Variants in ANO2 observed in about 807,000 individuals in gnomAD.
The protein encoded by ANO2 is anoctamin-2.
In ANO2, 101 loss-of-function variants were observed where a neutral mutation model predicts 124.2. That is an observed-to-expected ratio of 0.81 (90% CI 0.69 to 0.96). The LOEUF is 0.96. Among genes scored for constraint, ANO2 ranks in the 40% least tolerant of loss-of-function variants. The probability of loss-of-function intolerance (pLI) is 0.00; values close to 1 mark genes in which losing one functional copy is unlikely to be tolerated. For synonymous variants in ANO2, 486 were observed against 482.5 expected, an observed-to-expected ratio of 1.01 and a Z score of -0.09; for missense variants, 1,293 against 1,274.5, an observed-to-expected ratio of 1.01 and a Z score of -0.22.
intron 3 of ANO2, among the ~76,000 whole-genome samples, chr12:5,866,451 G>T (rs1399341528): frequency 4.6e-5 from 7 of 152,174 alleles, no homozygotes; most frequent in Non-Finnish European, 2.9e-5. Context: ...GTTTGAGCTG[G>T]TTTGAGTTGG....
chr12:5,852,899 T>TGAGA (rs141571472), intron 4 of ANO2, among the ~76,000 whole-genome samples: 4 of 141,844 alleles, frequency 2.8e-5, no homozygotes, highest in East Asian at 2.0e-4. Context: ...GTGGTGTATA[T>TGAGA]GAGAGAGAGA....
chr12:5,770,959 C>G (rs1041048470), intron 10 of ANO2, among the ~76,000 whole-genome samples: 2 of 152,164 alleles, frequency 1.3e-5, no homozygotes, highest in African/African-American at 4.8e-5. Flanking sequence ...CTCAGAGAGG[C>G]CTTCTGTGAT....
intron 14 of ANO2, among the ~76,000 whole-genome samples, chr12:5,677,390 T>C (rs905876133): frequency 6.6e-6 from 1 of 152,322 alleles, no homozygotes; most frequent in Middle Eastern, 3.4e-3. Context: ...TTACCATCCA[T>C]GTGGAGCTGA....
At chr12:5,646,375 C>CA (rs1236855049) in intron 15 of ANO2, among the ~76,000 whole-genome samples, 1 of 152,102 alleles carries the variant, frequency 6.6e-6, no homozygotes, top group Non-Finnish European at 1.5e-5. Flanking sequence ...TAAATTTTAG[C>CA]AAAATGGGAT....
chr12:5,946,204 A>T, upstream of ANO2: 1 of 1,611,540 alleles, frequency 6.2e-7, no homozygotes, highest in Non-Finnish European at 8.5e-7. This position sits in a 1 kb window ranked among gnomAD's most constrained non-coding sequence, Gnocchi z 4.1. Flanking sequence ...TGGTCATGAT[A>T]GATCCCACTT....
chr12:5,695,796 T>G (rs1006711380), intron 14 of ANO2, among the ~76,000 whole-genome samples: 1 of 148,442 alleles, frequency 6.7e-6, no homozygotes. Flanking sequence ...AGCCGAGATC[T>G]CACCATTGCA....
At chr12:5,632,836 C>T (rs1030897081) in intron 16 of ANO2, among the ~76,000 whole-genome samples, 15 of 152,150 alleles carry the variant, frequency 9.9e-5, no homozygotes, top group Non-Finnish European at 4.4e-5. Context: ...GAAAGGTCTA[C>T]ATCACCATTG....
At chr12:5,847,414 T>C (rs972091008) in intron 4 of ANO2, among the ~76,000 whole-genome samples, 1 of 151,606 alleles carries the variant, frequency 6.6e-6, no homozygotes, top group Non-Finnish European at 1.5e-5. Context: ...CCAGCCACCA[T>C]AATTGTATTA....
intron 10 of ANO2, among the ~76,000 whole-genome samples, chr12:5,761,950 T>C (rs368927209): frequency 7.9e-5 from 12 of 152,104 alleles, no homozygotes; most frequent in African/African-American, 2.9e-4. Context: ...AACAGGAAAA[T>C]AATTTGAGAT....
Position 5,736,073 on chromosome 12 carries a change from G to C in ANO2, c.1434+3244C>G, listed in dbSNP as rs180840910. Among the ~76,000 whole-genome samples, 10 of 152,340 alleles carry C rather than the reference G, an allele frequency of 6.6e-5. No individual in the cohort carries two copies. The East Asian group carries it at 1.7e-3, about 26-fold the overall frequency. On this transcript the variant is annotated intron_variant, in intron 13 of 24. Coordinates refer to ENST00000682330, the MANE Select transcript of ANO2 (RefSeq NM_001364791.2). ...AGTATAAAACTCTGGAGGTCTGACA[G>C]ATCTCCCTGCAAAAAGGACAAACAG...
intron 14 of ANO2, among the ~76,000 whole-genome samples, chr12:5,698,822 G>C (rs191489664): frequency 9.9e-5 from 15 of 152,176 alleles, no homozygotes; most frequent in African/African-American, 3.6e-4. Flanking sequence ...TAGCTGATTC[G>C]ATCAACTGGA....
intron 1 of ANO2, among the ~76,000 whole-genome samples, chr12:5,942,934 A>C (rs912181434): frequency 6.6e-6 from 1 of 152,238 alleles, no homozygotes; most frequent in African/African-American, 2.4e-5. Context: ...TGCTGCAAGA[A>C]TGGCTATAAC....
chr12:5,605,276 G>T (rs1944162799), intron 19 of ANO2, among the ~76,000 whole-genome samples: 1 of 152,152 alleles, frequency 6.6e-6, no homozygotes, highest in Admixed American at 6.5e-5. Context: ...CTGTATTTGA[G>T]GAGAACACAG....
chr12:5,857,023 A>T (rs1180045779), intron 3 of ANO2, among the ~76,000 whole-genome samples: 2 of 152,250 alleles, frequency 1.3e-5, no homozygotes, highest in Admixed American at 1.3e-4. Context: ...AAAGGAAAAC[A>T]TACCCACCAT....
intron 13 of ANO2, chr12:5,732,852 A>C: frequency 1.2e-6 from 2 of 1,613,966 alleles, no homozygotes; most frequent in Non-Finnish European, 1.7e-6. Flanking sequence ...TCGTTATCAC[A>C]CTGAAAACCA....
At chr12:5,830,337 G>T in intron 6 of ANO2, 98 bp downstream of exon 6, 1 of 1,238,434 alleles carries the variant, frequency 8.1e-7, no homozygotes, top group South Asian at 1.4e-5. Context: ...AGCAAATAAC[G>T]GTGTGAGGTG....
At chr12:5,675,675 T>A (rs1948209533) in intron 14 of ANO2, among the ~76,000 whole-genome samples, 1 of 152,180 alleles carries the variant, frequency 6.6e-6, no homozygotes, top group South Asian at 2.1e-4. Flanking sequence ...GGATACAGGA[T>A]AACTCTGTCC....
intron 13 of ANO2, chr12:5,738,977 A>G: frequency 2.4e-6 from 1 of 418,454 alleles, no homozygotes; most frequent in Non-Finnish European, 4.8e-6. Context: ...ATTCTGACAT[A>G]TCCCTGACTC....
intron 19 of ANO2, among the ~76,000 whole-genome samples, chr12:5,601,838 C>T (rs143803170): frequency 1.2e-4 from 18 of 152,278 alleles, no homozygotes; most frequent in Middle Eastern, 3.4e-3. Context: ...TCTTGGAAGA[C>T]GGACAGTGTA....
Sources: gnomAD v4.1 joint callset for allele counts (sites outside exome capture counted in the v4.1 genomes callset) on GRCh38, gnomAD v4.1.1 for gene constraint, Gnocchi (gnomAD v3.1) non-coding constraint, MANE v1.5 for transcripts, NCBI Gene and HGNC (gene_info 2026-07-23, HGNC 2026-07-21) for gene names.